Variants in ZNF407 observed in about 807,000 individuals in gnomAD.
ZNF407 encodes the protein zinc finger protein 407.
Under a neutral mutation model 131.2 loss-of-function variants are expected in ZNF407, and 17 were observed. The observed-to-expected ratio is 0.13, with a 90% CI of 0.09 to 0.19. The LOEUF is 0.19. Ranked by LOEUF, ZNF407 falls within the 10% of genes least tolerant of loss-of-function variation. The pLI is 1.00. For missense variants in ZNF407, 2,681 were observed against 2,830.6 expected (o/e 0.95, Z 1.20); for synonymous variants, 1,156 against 1,062.0 (o/e 1.09, Z -1.72).
chr18:74,638,215 T>C (rs11873146), intron 2 of ZNF407, among the ~76,000 whole-genome samples: 167 of 152,314 alleles, frequency 1.1e-3, no homozygotes, highest in African/African-American at 3.8e-3. Context: ...TGTAGCTCAA[T>C]ACGTGACAAA....
chr18:74,794,792 G>C (rs1969889246), intron 4 of ZNF407, among the ~76,000 whole-genome samples: 1 of 152,104 alleles, frequency 6.6e-6, no homozygotes, highest in South Asian at 2.1e-4. Flanking sequence ...TCTCATGAGA[G>C]ATCTTTTGGT....
intron 4 of ZNF407, among the ~76,000 whole-genome samples, chr18:74,841,008 T>G (rs1221402553): frequency 1.3e-5 from 2 of 152,204 alleles, no homozygotes; most frequent in African/African-American, 4.8e-5. Context: ...GAAAACCCAG[T>G]GATGAGGTCT....
chr18:74,857,435 T>C (rs1303315979), intron 4 of ZNF407, among the ~76,000 whole-genome samples: 1 of 152,216 alleles, frequency 6.6e-6, no homozygotes, highest in Non-Finnish European at 1.5e-5. Flanking sequence ...CAATTTATTT[T>C]AATTCCTTGA....
At chr18:75,015,568 A>G (rs570412286) in intron 8 of ZNF407, among the ~76,000 whole-genome samples, 1 of 144,002 alleles carries the variant, frequency 6.9e-6, no homozygotes, top group African/African-American at 2.5e-5. Context: ...TAAACATTAT[A>G]TATATATATT....
intron 3 of ZNF407, among the ~76,000 whole-genome samples, chr18:74,736,640 G>C (rs1485222038): frequency 6.6e-6 from 1 of 152,018 alleles, no homozygotes; most frequent in Non-Finnish European, 1.5e-5. Flanking sequence ...TATGATGGCT[G>C]TTTTTGCCAA....
intron 4 of ZNF407, among the ~76,000 whole-genome samples, chr18:74,821,309 G>T (rs561077504): frequency 9.9e-5 from 15 of 152,104 alleles, no homozygotes; most frequent in African/African-American, 3.6e-4. Flanking sequence ...TGGGATACAT[G>T]TGCAGAACAT....
chr18:74,981,139 G>A (rs1403251942), intron 8 of ZNF407, among the ~76,000 whole-genome samples: 1 of 152,228 alleles, frequency 6.6e-6, no homozygotes, highest in Non-Finnish European at 1.5e-5. Flanking sequence ...TCTTGTCTCT[G>A]TAGTAACAGT....
At chr18:74,638,455 T>C (rs1290084587) in intron 2 of ZNF407, among the ~76,000 whole-genome samples, 4 of 152,244 alleles carry the variant, frequency 2.6e-5, no homozygotes, top group East Asian at 1.9e-4. Context: ...TTGGGTAATA[T>C]ACAACTTCCT....
intron 8 of ZNF407, among the ~76,000 whole-genome samples, chr18:74,968,747 G>A (rs1972437991): frequency 6.6e-6 from 1 of 152,092 alleles, no homozygotes. Flanking sequence ...GTTTAATTAT[G>A]AAGTGTCTTT....
intron 7 of ZNF407, among the ~76,000 whole-genome samples, chr18:74,902,352 C>T (rs1971537809): frequency 1.3e-5 from 2 of 152,212 alleles, no homozygotes; most frequent in African/African-American, 4.8e-5. Context: ...CGAAACTACA[C>T]AGCTCAGATC....
intron 1 of ZNF407, among the ~76,000 whole-genome samples, chr18:74,622,741 AGTGT>A (rs1401244537): frequency 8.9e-5 from 13 of 146,374 alleles, no homozygotes; most frequent in African/African-American, 2.3e-4. Context: ...TGTGTCTGTG[AGTGT>A]GTGTGTGAAT....
chr18:74,976,086 G>A (rs978400042), intron 8 of ZNF407, among the ~76,000 whole-genome samples: 1 of 152,198 alleles, frequency 6.6e-6, no homozygotes, highest in Non-Finnish European at 1.5e-5. Context: ...TACAAAGATA[G>A]ATGCTACTGA....
At chr18:75,038,390 T>G (rs1373148661) in intron 8 of ZNF407, among the ~76,000 whole-genome samples, 1 of 152,190 alleles carries the variant, frequency 6.6e-6, no homozygotes, top group Admixed American at 6.5e-5. Flanking sequence ...GTAATTGGAT[T>G]GACTGTCTTT....
chr18:74,941,824 C>T (rs934531759), intron 8 of ZNF407, among the ~76,000 whole-genome samples: 9 of 152,138 alleles, frequency 5.9e-5, no homozygotes, highest in Non-Finnish European at 1.2e-4. Context: ...TGATGTTATT[C>T]GTTGAGGATT....
chr18:74,670,151 T>C (rs1458260078), intron 3 of ZNF407, among the ~76,000 whole-genome samples: 7 of 152,228 alleles, frequency 4.6e-5, no homozygotes, highest in East Asian at 1.9e-4. Context: ...GGGAATATTT[T>C]TGAGGGAGTT....
chr18:75,030,304 C>T (rs988834911), intron 8 of ZNF407, among the ~76,000 whole-genome samples: 9 of 152,114 alleles, frequency 5.9e-5, no homozygotes, highest in African/African-American at 2.2e-4. Flanking sequence ...AGGTATTATA[C>T]ATTATTATTA....
chr18:75,005,641 A>G (rs1218249089), intron 8 of ZNF407, among the ~76,000 whole-genome samples: 1 of 151,938 alleles, frequency 6.6e-6, no homozygotes, highest in Non-Finnish European at 1.5e-5. Flanking sequence ...AGAAAGCAGA[A>G]TTTGTACTTA....
rs1204494442 is a variant in ZNF407, at chr18:74,632,479, A to G, written c.1460A>G (p.Gln487Arg). The stretch of plus-strand genomic sequence containing the variant: ...CACCTGGAAGCGTGCAGCAGTGTGC[A>G]GAGAGTGTGTGTGACTACCTCAGAA... ...LKHLEACSSV[Q>R]RVCVTTSETQ... The change falls in exon 2 of 9, where the codon CAG (glutamine) becomes CGG (arginine). Residue 487 changes from glutamine to arginine, a missense_variant. Gln to Arg is a conservative substitution (Grantham distance 43, BLOSUM62 1). Transcript: ENST00000299687. 2 of 1,613,934 alleles carry G rather than the reference A, an allele frequency of 1.2e-6. No homozygotes were observed. Among genetic ancestry groups the G allele is most frequent in the East Asian group, 2.2e-5 (1 of 44,902 alleles).
chr18:74,767,695 C>T (rs2144991109), intron 3 of ZNF407, among the ~76,000 whole-genome samples: 2 of 142,262 alleles, frequency 1.4e-5, no homozygotes, highest in African/African-American at 5.2e-5. Flanking sequence ...GCTCTGTTGC[C>T]CAGGCTGGAA....
Sources: allele counts gnomAD v4.1 joint callset (sites outside exome capture counted in the v4.1 genomes callset), GRCh38; gene constraint gnomAD v4.1.1; transcripts MANE v1.5; gene names NCBI Gene and HGNC (gene_info 2026-07-23, HGNC 2026-07-21).